The following ADARB2 variants were observed in gnomAD, a reference collection of about 807,000 sequenced individuals.
The protein encoded by ADARB2 is adenosine deaminase RNA specific B2 (inactive).
ADARB2 carries 25 observed loss-of-function variants against 62.2 expected under a neutral mutation model. The observed-to-expected ratio is 0.40, with a 90% CI of 0.29 to 0.56. The LOEUF is 0.56. Among genes scored for constraint, ADARB2 ranks in the 20% least tolerant of loss-of-function variants. The pLI is 0.43. For missense variants in ADARB2, 1,071 were observed against 1,077.4 expected (o/e 0.99, Z 0.08); for synonymous variants, 572 against 500.8 (o/e 1.14, Z -1.90).
chr10:1,499,453 C>A lies in ADARB2; in HGVS notation c.101-120293G>T, dbSNP rs115846861. Among the ~76,000 whole-genome samples, 689 of 152,064 alleles carry A rather than the reference C, an allele frequency of 4.5e-3. 5 individuals carry two copies. The highest frequency in any genetic ancestry group is 0.016 in the African/African-American group (670 of 41,462). On this transcript the variant is annotated intron_variant, in intron 1 of 9. Transcript: ENST00000381312. ...TTACTTATTACTCACTAATCGCTCA[C>A]TCATTACTCACTCATCATTCAGTTG... is the stretch of plus-strand genomic sequence containing the variant.
chr10:1,223,932 C>T (rs1467196815), intron 6 of ADARB2, among the ~76,000 whole-genome samples: 1 of 152,182 alleles, frequency 6.6e-6, no homozygotes, highest in Non-Finnish European at 1.5e-5. Flanking sequence ...ATGATGCTGG[C>T]CTCGTAAAAT....
chr10:1,728,168 GA>G (rs1468077568), intron 1 of ADARB2, among the ~76,000 whole-genome samples: 23 of 152,048 alleles, frequency 1.5e-4, no homozygotes, highest in Admixed American at 1.2e-3. Flanking sequence ...TAAGAAGATA[GA>G]TTTTTTTTAT....
chr10:1,345,455 G>C (rs1184506373), intron 3 of ADARB2, among the ~76,000 whole-genome samples: 1 of 152,184 alleles, frequency 6.6e-6, no homozygotes, highest in African/African-American at 2.4e-5. Flanking sequence ...CATCAGAATG[G>C]ACACACCAGG....
intron 1 of ADARB2, among the ~76,000 whole-genome samples, chr10:1,650,501 C>A (rs987398488): frequency 1.7e-5 from 2 of 116,248 alleles, no homozygotes; most frequent in Non-Finnish European, 1.9e-5. Flanking sequence ...ATGACCACAG[C>A]GCAGGGAAAC....
At chr10:1,626,255 C>T (rs1833767312) in intron 1 of ADARB2, among the ~76,000 whole-genome samples, 1 of 146,000 alleles carries the variant, frequency 6.8e-6, no homozygotes, top group Non-Finnish European at 1.5e-5. Flanking sequence ...AACCCCACAT[C>T]TGCCCATGCT....
chr10:1,444,969 A>C (rs900564032), intron 1 of ADARB2, among the ~76,000 whole-genome samples: 1 of 144,886 alleles, frequency 6.9e-6, no homozygotes, highest in African/African-American at 2.6e-5. Context: ...TCATCCACCC[A>C]CTCATCCATC....
chr10:1,196,818 T>C (rs1195647704), intron 8 of ADARB2, among the ~76,000 whole-genome samples: 1 of 152,192 alleles, frequency 6.6e-6, no homozygotes, highest in Admixed American at 6.5e-5. Flanking sequence ...GCCAGGCTGG[T>C]CTCAAACTCC....
At chr10:1,201,748 C>G (rs7905753) in intron 7 of ADARB2, among the ~76,000 whole-genome samples, 1 of 142,784 alleles carries the variant, frequency 7.0e-6, no homozygotes, top group Admixed American at 7.2e-5. Context: ...CTGCCTGGAT[C>G]TCGGATGGTG....
At chr10:1,440,862 A>AT (rs1213385459) in intron 1 of ADARB2, among the ~76,000 whole-genome samples, 1 of 152,220 alleles carries the variant, frequency 6.6e-6, no homozygotes, top group Non-Finnish European at 1.5e-5. Flanking sequence ...TTTTACAGCC[A>AT]TTTTTGTGCC....
intron 1 of ADARB2, among the ~76,000 whole-genome samples, chr10:1,661,871 C>T (rs1834253091): frequency 6.6e-6 from 1 of 152,218 alleles, no homozygotes; most frequent in South Asian, 2.1e-4. Flanking sequence ...GCTTCACCGT[C>T]TTCCCTCTAC....
In ADARB2 at chr10:1,683,979, C is replaced by G. The variant is rs531834449; in HGVS notation, c.100+53072G>C. Among the ~76,000 whole-genome samples, 199 of 152,294 alleles carry G rather than the reference C, an allele frequency of 1.3e-3. No homozygotes were observed. In the Middle Eastern group the frequency reaches 0.017, roughly 13 times the overall value. On this transcript the variant is annotated intron_variant, in intron 1 of 9. Transcript: ENST00000381312. ...TCCGGTGTGCGTGAAAGACCACCGC[C>G]AAAGAGCCGGGATCCCACACTAGTG... is the stretch of plus-strand genomic sequence containing the variant.
intron 3 of ADARB2, among the ~76,000 whole-genome samples, chr10:1,341,436 A>C (rs1458703011): frequency 7.1e-6 from 1 of 141,810 alleles, no homozygotes; most frequent in Non-Finnish European, 1.5e-5. Context: ...GACGCACCCC[A>C]CAGCGGCAAT....
intron 1 of ADARB2, among the ~76,000 whole-genome samples, chr10:1,576,989 C>T (rs190157836): frequency 6.6e-6 from 1 of 152,276 alleles, no homozygotes; most frequent in African/African-American, 2.4e-5. Flanking sequence ...GGTTGCTGGC[C>T]CGGGGAGGCT....
At chr10:1,428,530 G>A (rs868732802) in intron 1 of ADARB2, among the ~76,000 whole-genome samples, 6 of 150,738 alleles carry the variant, frequency 4.0e-5, no homozygotes, top group Admixed American at 1.3e-4. Context: ...CTCGTGATCC[G>A]CCCGCCTCTG....
intron 1 of ADARB2, among the ~76,000 whole-genome samples, chr10:1,623,936 T>G (rs1393672904): frequency 6.6e-6 from 1 of 152,064 alleles, no homozygotes; most frequent in Non-Finnish European, 1.5e-5. Flanking sequence ...GTGAAAGAGA[T>G]TCAGGGTAAG....
chr10:1,319,122 T>G (rs560043009), intron 3 of ADARB2, among the ~76,000 whole-genome samples: 1 of 152,182 alleles, frequency 6.6e-6, no homozygotes, highest in African/African-American at 2.4e-5. Context: ...TAAGGCCAGA[T>G]CTATAGGATG....
chr10:1,456,562 G>C (rs1168378573), intron 1 of ADARB2, among the ~76,000 whole-genome samples: 1 of 152,058 alleles, frequency 6.6e-6, no homozygotes, highest in African/African-American at 2.4e-5. Flanking sequence ...AGGGGGTCTC[G>C]TGAACCCAGC....
At chr10:1,510,110 C>CTCTTTCTTTCTTTCTTCTTTCTT (rs1831909089) in intron 1 of ADARB2, among the ~76,000 whole-genome samples, 1 of 106,184 alleles carries the variant, frequency 9.4e-6, no homozygotes, top group African/African-American at 3.6e-5. Context: ...CTTTCTTTCT[C>CTCTTTCTTTCTTTCTTCTTTCTT]TCTTTCTTTC....
chr10:1,579,561 C>G (rs1296151533), intron 1 of ADARB2, among the ~76,000 whole-genome samples: 1 of 152,168 alleles, frequency 6.6e-6, no homozygotes, highest in African/African-American at 2.4e-5. Context: ...GGAAGGGACT[C>G]TAAAATACTC....
Sources: gnomAD v4.1 joint callset for allele counts (sites outside exome capture counted in the v4.1 genomes callset) on GRCh38, gnomAD v4.1.1 for gene constraint, MANE v1.5 for transcripts, NCBI Gene and HGNC (gene_info 2026-07-23, HGNC 2026-07-21) for gene names.